YPEL1: variants seen among roughly 807,000 people sequenced by gnomAD.
The protein encoded by YPEL1 is yippee like 1.
A neutral mutation model predicts 17.3 loss-of-function variants in YPEL1; 7 were observed. The observed-to-expected ratio is 0.40, with a 90% CI of 0.23 to 0.76. YPEL1 has a LOEUF of 0.76. Ranked by LOEUF, YPEL1 falls within the 30% of genes least tolerant of loss-of-function variation. YPEL1 has a pLI of 0.35. For synonymous variants in YPEL1, 59 were observed against 59.6 expected, an observed-to-expected ratio of 0.99 and a Z score of 0.05; for missense variants, 91 against 155.5, an observed-to-expected ratio of 0.59 and a Z score of 2.21.
intron 1 of YPEL1, among the ~76,000 whole-genome samples, chr22:21,713,342 C>A (rs2068189315): frequency 6.6e-6 from 1 of 152,156 alleles, no homozygotes; most frequent in Non-Finnish European, 1.5e-5. Flanking sequence ...TCCACAACAG[C>A]CACGAGGGGG....
intron 2 of YPEL1, among the ~76,000 whole-genome samples, chr22:21,706,943 C>T (rs141635505): frequency 6.6e-6 from 1 of 152,014 alleles, no homozygotes; most frequent in African/African-American, 2.4e-5. Context: ...TCATTTGAGC[C>T]CTTTATTTAA....
intron 1 of YPEL1, among the ~76,000 whole-genome samples, chr22:21,717,794 A>C (rs2068241714): frequency 2.0e-5 from 3 of 152,200 alleles, no homozygotes; most frequent in South Asian, 4.1e-4. Context: ...ATAATAACTG[A>C]TATCTCAGAT....
Position 21,712,703 on chromosome 22 carries a change from G to A in YPEL1, c.-164-1795C>T, listed in dbSNP as rs1356654028. Among the ~76,000 whole-genome samples the A allele has an allele frequency of 2.1e-5, 3 of 146,272 alleles. No individual in the cohort carries two copies. The East Asian group carries it at 6.0e-4, about 29-fold the overall frequency. ...ACCATATCACTGCACTCCAGCCTGGGCGACAGAGTGAGACTACATCTCAAA... is the reference window on the plus strand; with the variant it reads ...ACCATATCACTGCACTCCAGCCTGGACGACAGAGTGAGACTACATCTCAAA... On this transcript the variant is annotated intron_variant, in intron 1 of 4. Coordinates refer to ENST00000339468, the MANE Select transcript of YPEL1 (RefSeq NM_013313.5).
intron 2 of YPEL1, among the ~76,000 whole-genome samples, chr22:21,709,587 G>A (rs764609516): frequency 6.6e-6 from 1 of 152,026 alleles, no homozygotes; most frequent in Non-Finnish European, 1.5e-5. Context: ...ACCAGCCTTG[G>A]CAACATGGTA....
At chr22:21,713,097 G>A (rs1486377919) in intron 1 of YPEL1, among the ~76,000 whole-genome samples, 2 of 152,162 alleles carry the variant, frequency 1.3e-5, no homozygotes, top group African/African-American at 4.8e-5. Flanking sequence ...TACTATCAAC[G>A]CGCACACACG....
At chr22:21,714,922 T>G (rs2068206204) in intron 1 of YPEL1, among the ~76,000 whole-genome samples, 1 of 152,214 alleles carries the variant, frequency 6.6e-6, no homozygotes, top group Non-Finnish European at 1.5e-5. Context: ...GGTCCTTTCC[T>G]TACTGATTCG....
At chr22:21,709,710 G>A (rs1257635208) in intron 2 of YPEL1, among the ~76,000 whole-genome samples, 3 of 152,168 alleles carry the variant, frequency 2.0e-5, no homozygotes, top group South Asian at 2.1e-4. Context: ...CAAAGTGGTC[G>A]TGACCTGTGA....
At position 21,703,696 on chromosome 22, in the gene YPEL1, T is replaced by G; in HGVS notation, c.161+143A>C. 1 of 888,078 alleles carries G rather than the reference T, an allele frequency of 1.1e-6. No individual in the cohort carries two copies. The highest frequency in any genetic ancestry group is 1.7e-6 in the Non-Finnish European group (1 of 594,044). 55.0% of individuals were successfully genotyped at this position (888,078 alleles called of 1,614,324 possible). On this transcript the variant is annotated intron_variant, in intron 3 of 4. Coordinates refer to ENST00000339468, the MANE Select transcript of YPEL1 (RefSeq NM_013313.5). This position sits in a 1 kb window ranked among gnomAD's most constrained non-coding sequence, Gnocchi z 6.1. ...CTAGGGGGCAAGATCCTTAGCGCGT[T>G]TCAGAAACTCCCGGCGGGGGGATGG...
intron 1 of YPEL1, among the ~76,000 whole-genome samples, chr22:21,724,545 A>G (rs539237012): frequency 4.6e-5 from 7 of 150,912 alleles, no homozygotes; most frequent in Non-Finnish European, 8.8e-5. Flanking sequence ...CTGGGGGGAA[A>G]AAAATAGTTC....
intron 1 of YPEL1, among the ~76,000 whole-genome samples, chr22:21,717,605 A>G (rs888590648): frequency 6.6e-6 from 1 of 152,174 alleles, no homozygotes; most frequent in Non-Finnish European, 1.5e-5. Flanking sequence ...AAAGCAGGAT[A>G]AATAAAAATA....
intron 1 of YPEL1, among the ~76,000 whole-genome samples, chr22:21,731,054 C>T (rs1285865182): frequency 6.6e-6 from 1 of 152,134 alleles, no homozygotes; most frequent in East Asian, 1.9e-4. Flanking sequence ...CCCTGGGACA[C>T]ATCCCAGTAG....
chr22:21,726,113 C>G (rs2040168), intron 1 of YPEL1, among the ~76,000 whole-genome samples: 5,912 of 152,238 alleles, frequency 0.039, 217 homozygotes, highest in East Asian at 0.14. Context: ...CCGTGGGGTG[C>G]GGGCAGCTGC....
rs564524121 is a variant in YPEL1, at chr22:21,698,035, C to T, written c.*3094G>A. 2 of 152,296 alleles carry T rather than the reference C, an allele frequency of 1.3e-5. No individual in the cohort carries two copies. Among genetic ancestry groups the T allele is most frequent in the South Asian group, 2.1e-4 (1 of 4,816 alleles). 9.4% of individuals were successfully genotyped at this position (152,296 alleles called of 1,614,324 possible). ...GCAAATGCACTGTGCCATTTATAAC[C>T]CTGACATCACCTCCCAAGGCTCTCA... On this transcript the variant is annotated 3_prime_UTR_variant, in exon 5 of 5. Transcript: ENST00000339468.
chr22:21,730,310 G>A (rs2068375364), intron 1 of YPEL1, among the ~76,000 whole-genome samples: 1 of 151,942 alleles, frequency 6.6e-6, no homozygotes, highest in South Asian at 2.1e-4. Flanking sequence ...TGCAGCCTCC[G>A]CCTCCTGGAT....
chr22:21,711,232 TC>T, intron 1 of YPEL1, among the ~76,000 whole-genome samples: 1 of 152,186 alleles, frequency 6.6e-6, no homozygotes, highest in Non-Finnish European at 1.5e-5. Flanking sequence ...CTGACCAAGA[TC>T]CAACTCTTTA....
At chr22:21,718,191 C>T (rs1470741637) in intron 1 of YPEL1, among the ~76,000 whole-genome samples, 1 of 149,694 alleles carries the variant, frequency 6.7e-6, no homozygotes, top group African/African-American at 2.5e-5. Flanking sequence ...AGTCTGGGTG[C>T]AGTGGCTCAT....
At position 21,703,460 on chromosome 22, in the gene YPEL1, G is replaced by T; in HGVS notation, c.180C>A (p.Gly60=). 6.2e-7 allele frequency: 1 copy of T among 1,610,816 alleles called. No homozygotes were observed. The highest frequency in any genetic ancestry group is 1.7e-5 in the Admixed American group (1 of 60,018). ...LFNSVVNVGC[G]PAEERVLLTG... is the part of the protein sequence containing the mutation. ...TGAGAAGGACCCTCTCCTCTGCAGG[G>T]CCGCAGCCCACGTTCACCCTGCGGG... Residue 60 remains glycine, a synonymous_variant, in exon 4 of 5, where the codon GGC becomes GGA. Transcript: ENST00000339468. This position sits in a 1 kb window ranked among gnomAD's most constrained non-coding sequence, Gnocchi z 6.1.
rs555944553 is a variant in YPEL1, at chr22:21,703,710, G to GGGT, written c.161+128_161+129insACC. The GGGT allele has an allele frequency of 3.3e-5, 35 of 1,057,124 alleles. No individual in the cohort carries two copies. The highest frequency in any genetic ancestry group is 1.8e-4 in the African/African-American group (11 of 62,448). The allele number at this position is 1,057,124 out of a possible 1,614,324, so 65.5% of individuals were successfully genotyped here. ...CCTTAGCGCGTTTCAGAAACTCCCG[G>GGGT]CGGGGGGATGGTGGGTTCTTTCAGG... is the stretch of plus-strand genomic sequence containing the variant. On this transcript the variant is annotated intron_variant, in intron 3 of 4. Transcript: ENST00000339468. The surrounding 1 kb of genome is among the most constrained non-coding windows in gnomAD (Gnocchi z 6.1).
chr22:21,700,945 A>G lies in YPEL1; in HGVS notation c.*184T>C, dbSNP rs934447702. ...AAAATTTTCAGAAACAACTGTGTACACGAAGAGGACAGATCCGAGGGACAC... is the reference window on the plus strand; with the variant it reads ...AAAATTTTCAGAAACAACTGTGTACGCGAAGAGGACAGATCCGAGGGACAC... On this transcript the variant is annotated 3_prime_UTR_variant, in exon 5 of 5. Coordinates refer to ENST00000339468, the MANE Select transcript of YPEL1 (RefSeq NM_013313.5). The G allele has an allele frequency of 2.0e-5, 10 of 508,386 alleles. No homozygotes were observed. Among genetic ancestry groups the G allele is most frequent in the Admixed American group, 3.4e-5 (1 of 29,590 alleles). The allele number at this position is 508,386 out of a possible 1,614,324, so 31.5% of individuals were successfully genotyped here.
Sources: allele counts gnomAD v4.1 joint callset (sites outside exome capture counted in the v4.1 genomes callset), GRCh38; gene constraint gnomAD v4.1.1; non-coding constraint Gnocchi (gnomAD v3.1); transcripts MANE v1.5; gene names NCBI Gene and HGNC (gene_info 2026-07-23, HGNC 2026-07-21).